Variants in ULBP3 observed in about 807,000 individuals in gnomAD.
ULBP3 encodes UL16-binding protein 3.
A neutral mutation model predicts 24.9 loss-of-function variants in ULBP3; 25 were observed. That is an observed-to-expected ratio of 1.00 (90% CI 0.73 to 1.40). ULBP3 has a LOEUF of 1.40. Ranked by LOEUF, ULBP3 falls within the 40% of genes most tolerant of loss-of-function variation. The pLI is 0.00. For synonymous variants in ULBP3, 114 were observed against 114.7 expected (o/e 0.99, Z 0.04); for missense variants, 306 against 307.5 (o/e 1.00, Z 0.04).
At chr6:150,066,980 G>A (rs765561469) in intron 1 of ULBP3, among the ~76,000 whole-genome samples, 13 of 152,262 alleles carry the variant, frequency 8.5e-5, no homozygotes, top group Middle Eastern at 3.4e-3. Context: ...CTGTCAGCAG[G>A]AAGGAGGGTG....
intron 3 of ULBP3, 63 bp from the exon 4 acceptor site, chr6:150,064,776 T>A: frequency 6.5e-7 from 1 of 1,546,728 alleles, no homozygotes; most frequent in Non-Finnish European, 8.9e-7. Flanking sequence ...AGATGGCTCC[T>A]TAGCTCCTGC....
At chr6:150,066,286 G>T in intron 1 of ULBP3, 124 bp from the exon 2 acceptor site, 1 of 1,144,806 alleles carries the variant, frequency 8.7e-7, no homozygotes, top group Non-Finnish European at 1.2e-6. Flanking sequence ...TTCCTGGACG[G>T]TGGTCTCTGC....
chr6:150,067,075 A>G (rs991923562), intron 1 of ULBP3, among the ~76,000 whole-genome samples: 8 of 152,192 alleles, frequency 5.3e-5, no homozygotes, highest in Admixed American at 1.3e-4. Flanking sequence ...ATAGAACAAA[A>G]GGGTCCAAGA....
chr6:150,064,513 G>A, intron 4 of ULBP3, 72 bp downstream of exon 4: 1 of 1,409,956 alleles, frequency 7.1e-7, no homozygotes, highest in Middle Eastern at 1.9e-4. Flanking sequence ...TGGGACTCTG[G>A]AAATTCTCCT....
rs367617086 is a variant in ULBP3, at chr6:150,064,606, C to G, written c.*1G>C. ...GTACCTGTCACTCTAAATGACTCTTCTCAGATGCCAGGGAGGATGAAGCAG... is the reference window on the plus strand; with the variant it reads ...GTACCTGTCACTCTAAATGACTCTTGTCAGATGCCAGGGAGGATGAAGCAG... On this transcript the variant is annotated 3_prime_UTR_variant, in exon 4 of 5. Transcript: ENST00000367339. 22 of 1,613,870 alleles carry G rather than the reference C, an allele frequency of 1.4e-5. No individual in the cohort carries two copies. In the African/African-American group the frequency reaches 2.8e-4, roughly 21 times the overall value.
intron 3 of ULBP3, 128 bp from the exon 4 acceptor site, chr6:150,064,841 C>A: frequency 1.1e-6 from 1 of 934,344 alleles, no homozygotes; most frequent in Non-Finnish European, 1.6e-6. Flanking sequence ...GTGGGGCAGC[C>A]GCTGTGACAG....
In ULBP3 at chr6:150,065,901, C is replaced by T. The variant is rs1453260135; in HGVS notation, c.350G>A (p.Ser117Asn). The T allele has an allele frequency of 3.8e-5, 61 of 1,614,010 alleles. No individual in the cohort carries two copies. The highest frequency in any genetic ancestry group is 4.9e-5 in the Non-Finnish European group (58 of 1,180,042). The change falls in exon 2 of 5, where the codon AGT (serine) becomes AAT (asparagine). Residue 117 changes from serine (S) to asparagine (N), a missense_variant and splice_region_variant. Ser to Asn is a conservative substitution (Grantham distance 46). Transcript: ENST00000367339. ...TGTCCTTGGTCTCTTTCACTCACCA[C>T]TGGGTGTGAAATCCTCCAGCTCAGT... ...ADTELEDFTP[S>N]GPLTLQVRMS...
In ULBP3 at chr6:150,065,611, A is replaced by C; in HGVS notation, c.415T>G (p.Ser139Ala). 1 of 1,614,180 alleles carries C rather than the reference A, an allele frequency of 6.2e-7. No individual in the cohort carries two copies. Residue 139 changes from serine to alanine, a missense_variant, in exon 3 of 5, where the codon TCT becomes GCT. Transcript: ENST00000367339. Reference protein sequence around the residue: ...ECEADGYIRGSWQFSFDGRKF... With the variant: ...ECEADGYIRGAWQFSFDGRKF... Reference sequence around the variant, plus strand: ...CGTCCATCGAAGCTGAACTGCCAAGATCCACGGATGTATCCATCGGCTTCA... The same window carrying C: ...CGTCCATCGAAGCTGAACTGCCAAGCTCCACGGATGTATCCATCGGCTTCA...
At chr6:150,067,881 A>C (rs1200503424) in intron 1 of ULBP3, among the ~76,000 whole-genome samples, 2 of 152,294 alleles carry the variant, frequency 1.3e-5, no homozygotes, top group East Asian at 3.9e-4. Flanking sequence ...ACAGCAGTGA[A>C]ATCCCCTCAT....
At chr6:150,068,802 A>T (rs1346799314) in intron 1 of ULBP3, among the ~76,000 whole-genome samples, 177 bp downstream of exon 1, 5 of 152,150 alleles carry the variant, frequency 3.3e-5, no homozygotes, top group Admixed American at 3.3e-4. Flanking sequence ...CAGGGCAAGC[A>T]GCAGCCGCAG....
Position 150,063,215 on chromosome 6 carries a change from C to G in ULBP3, c.*159G>C, listed in dbSNP as rs1318571537. ...GAGCCGACAATGTCCTCATCATCTG[C>G]TGGGGGCCTCTGGGCTTGCTAAGGC... On this transcript the variant is annotated 3_prime_UTR_variant, in exon 5 of 5. Coordinates refer to ENST00000367339, the MANE Select transcript of ULBP3 (RefSeq NM_024518.3). 1.9e-5 allele frequency: 5 copies of G among 258,352 alleles called. No individual in the cohort carries two copies. Among genetic ancestry groups the G allele is most frequent in the African/African-American group, 4.6e-5 (2 of 43,348 alleles). The allele number at this position is 258,352 out of a possible 1,614,324, so 16.0% of individuals were successfully genotyped here.
chr6:150,064,846 T>A, intron 3 of ULBP3, 133 bp from the exon 4 acceptor site: 2 of 873,110 alleles, frequency 2.3e-6, no homozygotes, highest in Non-Finnish European at 3.6e-6. Flanking sequence ...GCAGCCGCTG[T>A]GACAGGTCCT....
At chr6:150,063,530 A>C (rs1293242046) in intron 4 of ULBP3, among the ~76,000 whole-genome samples, 179 bp from the exon 5 acceptor site, 1 of 151,840 alleles carries the variant, frequency 6.6e-6, no homozygotes, top group Non-Finnish European at 1.5e-5. Flanking sequence ...CTCCTTCACC[A>C]CACCACAGAG....
In ULBP3 at chr6:150,065,695, C is replaced by G. The variant is rs187565702; in HGVS notation, c.353-22G>C. ...GGTCCTGCCCCAATCAGAAAGAGAT[C>G]AGCCCTGGTGTTTACAAATTCTCTT... On this transcript the variant is annotated intron_variant, in intron 2 of 4. Coordinates refer to ENST00000367339, the MANE Select transcript of ULBP3 (RefSeq NM_024518.3). 3 of 1,613,080 alleles carry G rather than the reference C, an allele frequency of 1.9e-6. No individual in the cohort carries two copies. In the African/African-American group the frequency reaches 4.0e-5, roughly 22 times the overall value.
At chr6:150,068,945 C>T (rs1776388622) in intron 1 of ULBP3, 34 bp downstream of exon 1, 8 of 1,565,054 alleles carry the variant, frequency 5.1e-6, no homozygotes, top group Non-Finnish European at 6.9e-6. Flanking sequence ...CAGGTTTGGC[C>T]CCCGCCCCGC....
chr6:150,064,072 T>C (rs1348654532), intron 4 of ULBP3, among the ~76,000 whole-genome samples: 2 of 152,218 alleles, frequency 1.3e-5, no homozygotes, highest in Non-Finnish European at 2.9e-5. Flanking sequence ...GTGCTCTCTC[T>C]GGGAATGCAG....
Position 150,065,587 on chromosome 6 carries a change from G to C in ULBP3, c.439C>G (p.Arg147Gly). The stretch of plus-strand genomic sequence containing the variant: ...TTTGAGTCAAAGAGGAGGAACTTCC[G>C]TCCATCGAAGCTGAACTGCCAAGAT... ...RGSWQFSFDG[R>G]KFLLFDSNNR... The change falls in exon 3 of 5, where the codon CGG (arginine) becomes GGG (glycine). Residue 147 changes from arginine (R) to glycine (G), a missense_variant. Arg to Gly is a moderately radical substitution (Grantham distance 125). Coordinates refer to ENST00000367339, the MANE Select transcript of ULBP3 (RefSeq NM_024518.3). The C allele has an allele frequency of 6.2e-7, 1 of 1,614,162 alleles. No homozygotes were observed. The highest frequency in any genetic ancestry group is 1.1e-5 in the South Asian group (1 of 91,074).
At chr6:150,066,423 G>A (rs1776348311) in intron 1 of ULBP3, among the ~76,000 whole-genome samples, 1 of 152,202 alleles carries the variant, frequency 6.6e-6, no homozygotes, top group Non-Finnish European at 1.5e-5. Context: ...GGACTTAGAT[G>A]GCAGGATCTG....
chr6:150,062,406 T>G lies in ULBP3; in HGVS notation c.*968A>C, dbSNP rs1314451397. On this transcript the variant is annotated 3_prime_UTR_variant, in exon 5 of 5. Coordinates refer to ENST00000367339, the MANE Select transcript of ULBP3 (RefSeq NM_024518.3). ...CAATCTCTACCTAAATATAAAACAA[T>G]TTGCCAGGCATGGTGGCATGCGCCT... Among the ~76,000 whole-genome samples the G allele has an allele frequency of 6.6e-6, 1 of 152,182 alleles. No homozygotes were observed. The highest frequency in any genetic ancestry group is 1.5e-5 in the Non-Finnish European group (1 of 68,024).
Sources: allele counts gnomAD v4.1 joint callset (sites outside exome capture counted in the v4.1 genomes callset), GRCh38; gene constraint gnomAD v4.1.1; transcripts MANE v1.5; gene names NCBI Gene and HGNC (gene_info 2026-07-23, HGNC 2026-07-21).